The following PRMT7 variants were observed in gnomAD, a reference collection of about 807,000 sequenced individuals.
PRMT7 encodes protein arginine methyltransferase 7.
Under a neutral mutation model 85.4 loss-of-function variants are expected in PRMT7, and 75 were observed. The ratio of observed to expected loss-of-function variants is 0.88; its 90% CI spans 0.73 to 1.06. The LOEUF (loss-of-function observed/expected upper bound fraction) is 1.06. Among genes scored for constraint, PRMT7 ranks in the 50% least tolerant of loss-of-function variants. The pLI is 0.00. For synonymous variants in PRMT7, 397 were observed against 359.5 expected, an observed-to-expected ratio of 1.10 and a Z score of -1.18; for missense variants, 868 against 915.2, an observed-to-expected ratio of 0.95 and a Z score of 0.67.
chr16:68,319,891 G>A (rs1015809180), intron 3 of PRMT7, among the ~76,000 whole-genome samples: 2 of 152,158 alleles, frequency 1.3e-5, no homozygotes, highest in East Asian at 1.9e-4. Context: ...TGCTCATCCC[G>A]ACCCCGCCTG....
At position 68,345,723 on chromosome 16, in the gene PRMT7, C is replaced by T. The variant is rs757471733; in HGVS notation, c.976C>T (p.Pro326Ser). The T allele has an allele frequency of 3.5e-5, 57 of 1,614,016 alleles. 2 individuals are homozygous for T. In the South Asian group the frequency reaches 5.8e-4, roughly 16 times the overall value. ...QCVYFLPQEE[P>S]VVQGSALYLV... ...TGTGTACTTCCTGCCACAAGAGGAG[C>T]CTGTGGTGCAGGGCTCAGCGCTCTA... The change falls in exon 10 of 19, where the codon CCT becomes TCT. Residue 326 changes from proline to serine, a missense_variant. By Grantham distance (74) the Pro-to-Ser change is moderately conservative (BLOSUM62 -1). Transcript: ENST00000441236.
At chr16:68,316,437 GT>G (rs1004958794) in intron 3 of PRMT7, among the ~76,000 whole-genome samples, 4 of 149,702 alleles carry the variant, frequency 2.7e-5, no homozygotes, top group African/African-American at 7.4e-5. Flanking sequence ...AATGAAAATG[GT>G]TTTTTTTTTC....
At chr16:68,311,771 T>A (rs1477338933) in intron 1 of PRMT7, 2 of 104,674 alleles carry the variant, frequency 1.9e-5, no homozygotes, top group African/African-American at 7.2e-5. Flanking sequence ...CTGTAAAAAC[T>A]CTTCCCCAAC....
intron 12 of PRMT7, 117 bp downstream of exon 12, chr16:68,347,411 C>T (rs537206328): frequency 1.7e-6 from 2 of 1,165,200 alleles, no homozygotes; most frequent in Non-Finnish European, 1.2e-6. Flanking sequence ...GTTGTGGGCA[C>T]AGCATGCTCG....
chr16:68,320,153 G>A (rs1268660575), intron 3 of PRMT7, among the ~76,000 whole-genome samples: 1 of 152,158 alleles, frequency 6.6e-6, no homozygotes, highest in African/African-American at 2.4e-5. Context: ...TAGGCAGATT[G>A]AGTCTGAGTT....
intron 3 of PRMT7, among the ~76,000 whole-genome samples, chr16:68,317,367 G>A (rs1458818852): frequency 2.6e-5 from 4 of 152,134 alleles, no homozygotes; most frequent in East Asian, 1.9e-4. Context: ...AGGAAGAGAA[G>A]GTGAAGTTTG....
chr16:68,319,711 A>AGAGTGTGT (rs1555543581), intron 3 of PRMT7, among the ~76,000 whole-genome samples: 3 of 141,446 alleles, frequency 2.1e-5, no homozygotes, highest in Non-Finnish European at 4.6e-5. Context: ...TAAGAGTGAG[A>AGAGTGTGT]GTGTGTGTGT....
Position 68,357,475 on chromosome 16 carries a change from T to G in PRMT7, c.*251T>G, listed in dbSNP as rs549624384. 3 of 479,692 alleles carry G rather than the reference T, an allele frequency of 6.3e-6. No individual in the cohort carries two copies. The South Asian group carries it at 9.3e-5, about 15-fold the overall frequency. The allele number at this position is 479,692 out of a possible 1,614,324, so 29.7% of individuals were successfully genotyped here. On this transcript the variant is annotated 3_prime_UTR_variant, in exon 19 of 19. Coordinates refer to ENST00000441236, the MANE Select transcript of PRMT7 (RefSeq NM_019023.5). ...GCTGGGAAGACCCCCCTGCTTGTGC[T>G]TCTGAGGTGCTGAGAATGCTCCAAC...
At chr16:68,342,089 C>T (rs1473887196) in intron 9 of PRMT7, among the ~76,000 whole-genome samples, 1 of 152,066 alleles carries the variant, frequency 6.6e-6, no homozygotes, top group Admixed American at 6.6e-5. Context: ...ACCAGCCTGG[C>T]CAACATGGAG....
chr16:68,341,492 C>G (rs929802301), intron 9 of PRMT7, among the ~76,000 whole-genome samples: 1 of 152,192 alleles, frequency 6.6e-6, no homozygotes, highest in Non-Finnish European at 1.5e-5. Context: ...TCACTGCAAC[C>G]TCTACCTCCC....
In PRMT7 at chr16:68,346,254, G is replaced by C; in HGVS notation, c.1165G>C (p.Asp389His). The C allele has an allele frequency of 1.2e-6, 2 of 1,614,238 alleles. No individual in the cohort carries two copies. Among genetic ancestry groups the C allele is most frequent in the Non-Finnish European group, 1.7e-6 (2 of 1,180,044 alleles). Residue 389 changes from aspartate (D) to histidine (H), a missense_variant, in exon 11 of 19, where the codon GAT becomes CAT. Physicochemically the swap from Asp to His is moderately conservative, Grantham distance 81. Transcript: ENST00000441236. The part of the protein sequence containing the change: ...FGEINDQDRT[D>H]RYVQALRTVL... ...AGAGATCAATGACCAGGACAGAACT[G>C]ATCGATACGTCCAGGCTCTGAGGAC... is the stretch of plus-strand genomic sequence containing the variant.
intron 9 of PRMT7, among the ~76,000 whole-genome samples, chr16:68,341,163 C>G (rs1189194978): frequency 2.0e-5 from 3 of 152,146 alleles, no homozygotes; most frequent in Admixed American, 6.6e-5. Context: ...TGAATTTTCT[C>G]TCATGTGCTT....
intron 2 of PRMT7, 84 bp downstream of exon 2, chr16:68,312,260 T>C (rs1185395837): frequency 6.7e-6 from 1 of 148,412 alleles, no homozygotes; most frequent in Non-Finnish European, 1.5e-5. Flanking sequence ...TCTCACTCTG[T>C]CACCCAGGCT....
chr16:68,345,554 C>T (rs1359749565), intron 9 of PRMT7, 121 bp from the exon 10 acceptor site: 19 of 1,406,720 alleles, frequency 1.4e-5, no homozygotes, highest in South Asian at 2.5e-5. Flanking sequence ...GCCACAATAG[C>T]CAGCTGTAGT....
At position 68,345,659 on chromosome 16, in the gene PRMT7, C is replaced by T. The variant is rs2086244486; in HGVS notation, c.928-16C>T. The T allele has an allele frequency of 6.2e-7, 1 of 1,613,210 alleles. No individual in the cohort carries two copies. ...TACTGCAGCTCGTTGACAGCTGACTCTGTTCTCCGTTTCAGTGGCGGGACC... is the reference window on the plus strand; with the variant it reads ...TACTGCAGCTCGTTGACAGCTGACTTTGTTCTCCGTTTCAGTGGCGGGACC... On this transcript the variant is annotated splice_polypyrimidine_tract_variant and intron_variant, in intron 9 of 18. Transcript: ENST00000441236.
In PRMT7 at chr16:68,329,115, G is replaced by A; in HGVS notation, c.332G>A (p.Gly111Asp). 1 of 1,613,036 alleles carries A rather than the reference G, an allele frequency of 6.2e-7. No individual in the cohort carries two copies. The highest frequency in any genetic ancestry group is 8.5e-7 in the Non-Finnish European group (1 of 1,179,106). ...GCTGTGAAGATTGTGGAGAAAAATG[G>A]CTTTAGTGATAAGATTAAGGTTATC... ...DAAVKIVEKN[G>D]FSDKIKVINK... is the part of the protein sequence containing the mutation. The change falls in exon 6 of 19, where the codon GGC becomes GAC. Residue 111 changes from glycine to aspartate, a missense_variant. Transcript: ENST00000441236.
chr16:68,314,156 T>C (rs554553377), intron 2 of PRMT7, among the ~76,000 whole-genome samples: 4 of 152,362 alleles, frequency 2.6e-5, no homozygotes, highest in Admixed American at 1.3e-4. Context: ...GAGTTTTACC[T>C]GGACAAATTG....
At chr16:68,328,071 T>G (rs73613962) in intron 5 of PRMT7, 29,964 of 228,852 alleles carry the variant, frequency 0.13, 2,155 homozygotes, top group South Asian at 0.17. Context: ...ATATTTATTA[T>G]TGTGCCTAAT....
At chr16:68,353,903 G>T (rs933878627) in intron 16 of PRMT7, among the ~76,000 whole-genome samples, 2 of 152,212 alleles carry the variant, frequency 1.3e-5, no homozygotes, top group East Asian at 1.9e-4. Context: ...CTCCATTCCC[G>T]GGAGGGGTAC....
Sources: allele counts gnomAD v4.1 joint callset (sites outside exome capture counted in the v4.1 genomes callset), GRCh38; gene constraint gnomAD v4.1.1; transcripts MANE v1.5; gene names NCBI Gene and HGNC (gene_info 2026-07-23, HGNC 2026-07-21).